TAF1: variants seen among roughly 807,000 people sequenced by gnomAD.
TAF1 encodes the protein transcription initiation factor TFIID subunit 1.
Under a neutral mutation model 138.5 loss-of-function variants are expected in TAF1, and 2 were observed. The ratio of observed to expected loss-of-function variants is 0.01; its 90% CI spans 0.01 to 0.05. The LOEUF (loss-of-function observed/expected upper bound fraction) is 0.05. Among genes scored for constraint, TAF1 ranks in the 10% least tolerant of loss-of-function variants. The probability of loss-of-function intolerance (pLI) is 1.00; values close to 1 mark genes in which losing one functional copy is unlikely to be tolerated. For missense variants in TAF1, 709 were observed against 1,478.0 expected, an observed-to-expected ratio of 0.48 and a Z score of 8.53; for synonymous variants, 437 against 503.2, an observed-to-expected ratio of 0.87 and a Z score of 1.76.
At chrX:71,439,396 T>G (rs1398232241) in intron 32 of TAF1, among the ~76,000 whole-genome samples, 1 of 111,871 alleles carries the variant, frequency 8.9e-6, no homozygotes, top group Non-Finnish European at 1.9e-5. Flanking sequence ...TGTCCCAGCC[T>G]TTACATTTAT....
chrX:71,424,164 A>G lies in TAF1; in HGVS notation c.4679A>G (p.Lys1560Arg). 8.3e-7 allele frequency: 1 copy of G among 1,211,132 alleles called. No homozygotes were observed. Among genetic ancestry groups the G allele is most frequent in the Non-Finnish European group, 1.1e-6 (1 of 895,042 alleles). ...TTCTTTTCATCACAGAACATCTCCA[A>G]GCACAAGTATCAGAGTCGGGAGAGC... The part of the protein sequence containing the change: ...DLETIRKNIS[K>R]HKYQSRESFL... The change falls in exon 32 of 38, where the codon AAG becomes AGG. Residue 1560 changes from lysine (K) to arginine (R), a missense_variant. Around this residue, in one of 14 missense-constraint regions of TAF1, gnomAD observed 36 missense variants for 47.3 expected, o/e 0.76. Transcript: ENST00000423759.
chrX:71,384,426 T>A (rs190744812), intron 13 of TAF1, among the ~76,000 whole-genome samples: 22 of 109,963 alleles, frequency 2.0e-4, no homozygotes, highest in African/African-American at 7.3e-4. Context: ...TTTTTTTTTT[T>A]TTTGAGACTG....
At chrX:71,479,194 T>G (rs778585217) in intron 13 of TAF1, among the ~76,000 whole-genome samples, 1 of 112,434 alleles carries the variant, frequency 8.9e-6, no homozygotes, top group East Asian at 2.8e-4. Flanking sequence ...GAACATAATG[T>G]GGAAGGAAAG....
intron 13 of TAF1, among the ~76,000 whole-genome samples, chrX:71,495,423 G>A (rs945851517): frequency 1.5e-4 from 17 of 111,770 alleles, no homozygotes; most frequent in African/African-American, 3.9e-4. Flanking sequence ...AAGCCATGTC[G>A]CCCAATTCCA....
chrX:71,466,113 G>A (rs886177570), downstream of TAF1: 2 of 111,968 alleles, frequency 1.8e-5, no homozygotes, highest in Admixed American at 1.9e-4. Context: ...GGATTTGAGA[G>A]ATCTTTAGGG....
chrX:71,464,091 C>A lies in TAF1; in HGVS notation c.*45C>A. On this transcript the variant is annotated 3_prime_UTR_variant, in exon 38 of 38. Coordinates refer to ENST00000423759, the MANE Select transcript of TAF1 (RefSeq NM_004606.5). ...TGGTCAGCCTTCCCTGTTCTCCAGC[C>A]TAGGTGGTTCACCTTTCCCCAATTT... The A allele has an allele frequency of 9.0e-7, 1 of 1,110,616 alleles. No homozygotes were observed. 91.5% of individuals were successfully genotyped at this position (1,110,616 alleles called of 1,213,427 possible).
At chrX:71,459,031 A>G in intron 35 of TAF1, 1 of 409,290 alleles carries the variant, frequency 2.4e-6, no homozygotes, top group Non-Finnish European at 3.9e-6. Flanking sequence ...AACAGCCCCC[A>G]CTAGCAGTGG....
intron 32 of TAF1, among the ~76,000 whole-genome samples, chrX:71,446,481 T>A (rs2037703171): frequency 8.9e-6 from 1 of 111,909 alleles, no homozygotes; most frequent in African/African-American, 3.2e-5. Flanking sequence ...TAGAATTGTA[T>A]AAAGTGAAAA....
At chrX:71,512,287 C>G (rs927864039) in intron 13 of TAF1, among the ~76,000 whole-genome samples, 1 of 111,561 alleles carries the variant, frequency 9.0e-6, no homozygotes, top group Non-Finnish European at 1.9e-5. Flanking sequence ...TGCACTCCAG[C>G]CTGAGCGACA....
At chrX:71,440,706 A>G (rs1280009037) in intron 32 of TAF1, among the ~76,000 whole-genome samples, 3 of 111,326 alleles carry the variant, frequency 2.7e-5, no homozygotes, top group Non-Finnish European at 5.7e-5. Context: ...TATGTGATCC[A>G]GTTTCTCTGC....
At chrX:71,525,975 T>G (rs1194762251) in intron 13 of TAF1, among the ~76,000 whole-genome samples, 1 of 111,129 alleles carries the variant, frequency 9.0e-6, no homozygotes. Context: ...ACAAAATAAC[T>G]ATTTTTTAAA....
intron 13 of TAF1, chrX:71,491,712 A>T (rs1254888192): frequency 1.1e-5 from 1 of 92,391 alleles, no homozygotes; most frequent in Non-Finnish European, 2.1e-5. Flanking sequence ...CCCAGGCTGG[A>T]GTGCAGTGGC....
intron 24 of TAF1, among the ~76,000 whole-genome samples, chrX:71,399,139 C>G (rs1261195554): frequency 9.0e-6 from 1 of 110,943 alleles, no homozygotes; most frequent in Non-Finnish European, 1.9e-5. Flanking sequence ...CGGGTTTTGC[C>G]ATGTTGCCCA....
At chrX:71,480,222 C>T (rs1368877294) in intron 13 of TAF1, among the ~76,000 whole-genome samples, 1 of 109,623 alleles carries the variant, frequency 9.1e-6, no homozygotes, top group Non-Finnish European at 1.9e-5. Context: ...GAGACTGTCT[C>T]AAAAAACAAA....
At chrX:71,388,676 A>G (rs1435461405) in intron 16 of TAF1, 62 bp from the exon 17 acceptor site, 6 of 1,198,348 alleles carry the variant, frequency 5.0e-6, no homozygotes, top group South Asian at 3.6e-5. Flanking sequence ...GTTGCTGTCA[A>G]TAAATATCAG....
At position 71,381,806 on chromosome X, in the gene TAF1, A is replaced by G. The variant is rs1408926214; in HGVS notation, c.1424A>G (p.Asp475Gly). The G allele has an allele frequency of 8.3e-7, 1 of 1,209,050 alleles. No individual in the cohort carries two copies. Reference sequence around the variant, plus strand: ...TCCATTTTTCCCATTGACAATGAGGATCTGGTATATGGACGCTGGGAGGAC... The same window carrying G: ...TCCATTTTTCCCATTGACAATGAGGGTCTGGTATATGGACGCTGGGAGGAC... Reference protein sequence around the residue: ...WYSIFPIDNEDLVYGRWEDNI... With the variant: ...WYSIFPIDNEGLVYGRWEDNI... Residue 475 changes from aspartate to glycine, a missense_variant, in exon 9 of 38, where the codon GAT becomes GGT. Physicochemically the swap from Asp to Gly is moderately conservative, Grantham distance 94. Around this residue, in one of 14 missense-constraint regions of TAF1, gnomAD observed 201 missense variants for 421.3 expected, o/e 0.48. Transcript: ENST00000423759.
At chrX:71,459,177 G>A (rs1308315380) in intron 35 of TAF1, 3 of 1,081,203 alleles carry the variant, frequency 2.8e-6, no homozygotes, top group Non-Finnish European at 3.7e-6. Flanking sequence ...TAGGCTGGGC[G>A]AGGAAGACTC....
intron 32 of TAF1, among the ~76,000 whole-genome samples, chrX:71,437,797 T>C (rs2037217288): frequency 9.1e-6 from 1 of 109,565 alleles, no homozygotes; most frequent in South Asian, 3.8e-4. Flanking sequence ...TTTTTTATTA[T>C]GGAAAATATA....
At chrX:71,378,492 T>C in intron 7 of TAF1, 39 bp downstream of exon 7, 1 of 1,185,755 alleles carries the variant, frequency 8.4e-7, no homozygotes, top group Non-Finnish European at 1.1e-6. Context: ...ATCAATGTAC[T>C]CAGGTCCTAT....
Sources: gnomAD v4.1 joint callset for allele counts (sites outside exome capture counted in the v4.1 genomes callset) on GRCh38, gnomAD v4.1.1 for gene constraint, gnomAD v4.1.1 regional missense constraint, MANE v1.5 for transcripts, NCBI Gene and HGNC (gene_info 2026-07-23, HGNC 2026-07-21) for gene names.